ADTRP: variants seen among roughly 807,000 people sequenced by gnomAD.
The protein encoded by ADTRP is androgen-dependent TFPI-regulating protein.
A neutral mutation model predicts 27.0 loss-of-function variants in ADTRP; 20 were observed. The observed-to-expected ratio is 0.74, with a 90% confidence interval of 0.52 to 1.08. ADTRP has a LOEUF of 1.08. Ranked by LOEUF, ADTRP falls within the 50% of genes least tolerant of loss-of-function variation. The probability of loss-of-function intolerance (pLI) is 0.00; values close to 1 mark genes in which losing one functional copy is unlikely to be tolerated. For synonymous variants in ADTRP, 101 were observed against 105.2 expected, an observed-to-expected ratio of 0.96 and a Z score of 0.25; for missense variants, 251 against 275.0, an observed-to-expected ratio of 0.91 and a Z score of 0.62.
At chr6:11,721,993 T>C (rs1007253765) in intron 5 of ADTRP, among the ~76,000 whole-genome samples, 6 of 152,236 alleles carry the variant, frequency 3.9e-5, no homozygotes, top group African/African-American at 1.4e-4. Context: ...AGTTTTTCTC[T>C]GTACTTCCTA....
At chr6:11,723,975 G>A (rs1379864341) in intron 4 of ADTRP, among the ~76,000 whole-genome samples, 5 of 152,110 alleles carry the variant, frequency 3.3e-5, no homozygotes, top group Middle Eastern at 3.2e-3. Context: ...AAGAAGAATC[G>A]CTTGAACCTG....
rs914876341 is a variant in ADTRP, at chr6:11,714,109, T to C, written c.*369A>G. The C allele has an allele frequency of 1.5e-5, 3 of 204,620 alleles. No individual in the cohort carries two copies. The highest frequency in any genetic ancestry group is 7.1e-5 in the African/African-American group (3 of 42,004). 12.7% of individuals were successfully genotyped at this position (204,620 alleles called of 1,614,324 possible). A position where few individuals can be genotyped will look rare whatever the true frequency, so the allele number is the denominator to read the frequency against. On this transcript the variant is annotated 3_prime_UTR_variant, in exon 6 of 6. Transcript: ENST00000414691. ...CTTCTCATCTAGGTCCTCAGCATCC[T>C]TCTCTGTAAACTGAAGAGTTTAAAT... is the stretch of plus-strand genomic sequence containing the variant.
At chr6:11,723,753 G>C (rs1266428769) in intron 4 of ADTRP, among the ~76,000 whole-genome samples, 2 of 152,024 alleles carry the variant, frequency 1.3e-5, no homozygotes, top group Non-Finnish European at 2.9e-5. Flanking sequence ...TTCAACATTG[G>C]TGAAAAAATA....
chr6:11,715,648 C>CAT (rs1209016026), intron 5 of ADTRP, among the ~76,000 whole-genome samples: 1 of 121,142 alleles, frequency 8.3e-6, no homozygotes, highest in African/African-American at 3.5e-5. Context: ...CTGTTTTTCC[C>CAT]TTTTTTTTTT....
At chr6:11,724,237 T>C (rs1183679661) in intron 4 of ADTRP, among the ~76,000 whole-genome samples, 6 of 132,224 alleles carry the variant, frequency 4.5e-5, no homozygotes, top group South Asian at 2.3e-4. Context: ...TGGGGTTTGC[T>C]TTTTTGGATC....
intron 3 of ADTRP, among the ~76,000 whole-genome samples, chr6:11,747,342 T>C (rs1762898149): frequency 6.6e-6 from 1 of 152,210 alleles, no homozygotes; most frequent in South Asian, 2.1e-4. Context: ...CCCTCTGAAA[T>C]GATTGTGCAC....
chr6:11,758,848 A>G (rs1055408000), intron 3 of ADTRP, among the ~76,000 whole-genome samples: 1 of 152,156 alleles, frequency 6.6e-6, no homozygotes, highest in Non-Finnish European at 1.5e-5. Context: ...TTCTGGCTGC[A>G]AAAAGGAACA....
intron 1 of ADTRP, among the ~76,000 whole-genome samples, chr6:11,774,056 C>T (rs1337120548): frequency 2.0e-5 from 3 of 152,158 alleles, no homozygotes; most frequent in Non-Finnish European, 4.4e-5. Context: ...CGCCTGTAAT[C>T]CCAGCACTTT....
At chr6:11,748,432 A>T (rs1329268642) in intron 3 of ADTRP, among the ~76,000 whole-genome samples, 2 of 152,238 alleles carry the variant, frequency 1.3e-5, no homozygotes, top group East Asian at 3.8e-4. Context: ...GTCTTCATTC[A>T]TTCTCTCATG....
At chr6:11,745,754 A>C (rs1481835139) in intron 3 of ADTRP, among the ~76,000 whole-genome samples, 1 of 152,136 alleles carries the variant, frequency 6.6e-6, no homozygotes, top group African/African-American at 2.4e-5. Flanking sequence ...ATATAACTAC[A>C]TGTGAGAGGT....
intron 5 of ADTRP, chr6:11,717,454 C>A (rs1285035249): frequency 7.7e-7 from 1 of 1,301,372 alleles, no homozygotes; most frequent in Admixed American, 2.3e-5. Context: ...CAATCAACAT[C>A]ACCATAGATA....
rs976129260 is a variant in ADTRP at position 11,717,402 on chromosome 6, A to T, written c.659-2890T>A. ...AGATTCTAGCCTCCATCTTTGCAAG[A>T]TCTGAACAGAAACTGCAGGCATGGC... On this transcript the variant is annotated intron_variant, in intron 5 of 5. Coordinates refer to ENST00000414691, the MANE Select transcript of ADTRP (RefSeq NM_032744.4). 8 of 1,304,170 alleles carry T rather than the reference A, an allele frequency of 6.1e-6. No homozygotes were observed. The Admixed American group carries it at 1.1e-4, about 19-fold the overall frequency. 80.8% of individuals were successfully genotyped at this position (1,304,170 alleles called of 1,614,324 possible). A position where few individuals can be genotyped will look rare whatever the true frequency, so the allele number is the denominator to read the frequency against.
chr6:11,727,363 G>GC (rs75438073), intron 4 of ADTRP, among the ~76,000 whole-genome samples: 21,031 of 152,060 alleles, frequency 0.14, 3,018 homozygotes, highest in African/African-American at 0.35. Flanking sequence ...ATTACAGGAT[G>GC]CCCACAGTGA....
intron 3 of ADTRP, among the ~76,000 whole-genome samples, chr6:11,746,149 A>T (rs750507255): frequency 1.3e-5 from 2 of 152,192 alleles, no homozygotes; most frequent in Non-Finnish European, 2.9e-5. Flanking sequence ...GCAGAAGGCC[A>T]TCTATAGGCT....
chr6:11,749,441 A>C (rs1035970571), intron 3 of ADTRP, among the ~76,000 whole-genome samples: 2 of 152,116 alleles, frequency 1.3e-5, no homozygotes, highest in Non-Finnish European at 2.9e-5. Flanking sequence ...CTCAAGGGAG[A>C]TCTGAGCTAG....
intron 5 of ADTRP, among the ~76,000 whole-genome samples, chr6:11,722,434 G>T (rs949052664): frequency 6.6e-6 from 1 of 152,124 alleles, no homozygotes; most frequent in Non-Finnish European, 1.5e-5. Flanking sequence ...GGCGGAAGAT[G>T]GCACTTCTGC....
intron 4 of ADTRP, among the ~76,000 whole-genome samples, chr6:11,727,262 C>T (rs867059153): frequency 4.6e-5 from 7 of 152,152 alleles, no homozygotes; most frequent in Non-Finnish European, 8.8e-5. Context: ...CCTTGTGATC[C>T]GCCCACCTCA....
At chr6:11,764,894 T>TAAA (rs34204085) in intron 3 of ADTRP, among the ~76,000 whole-genome samples, 6 of 122,336 alleles carry the variant, frequency 4.9e-5, no homozygotes, top group African/African-American at 1.9e-4. Context: ...TACCATTTCT[T>TAAA]AAAAAAAAAA....
rs778802899 is a variant in ADTRP at position 11,766,306 on chromosome 6, T to C, written c.358A>G (p.Thr120Ala). 2 of 1,612,434 alleles carry C rather than the reference T, an allele frequency of 1.2e-6. No homozygotes were observed. Among genetic ancestry groups the C allele is most frequent in the South Asian group, 2.2e-5 (2 of 90,672 alleles). ...TGATTCAGCCACACGGGGATGACAG[T>C]ATCTAGGACCTTGGGGTAAATGAGA... is the stretch of plus-strand genomic sequence containing the variant. The part of the protein sequence containing the change: ...RDLIYPKVLD[T>A]VIPVWLNHAM... Residue 120 changes from threonine to alanine, a missense_variant, in exon 3 of 6, where the codon ACT becomes GCT. Coordinates refer to ENST00000414691, the MANE Select transcript of ADTRP (RefSeq NM_032744.4).
Sources: gnomAD v4.1 joint callset for allele counts (sites outside exome capture counted in the v4.1 genomes callset) on GRCh38, gnomAD v4.1.1 for gene constraint, MANE v1.5 for transcripts, NCBI Gene and HGNC (gene_info 2026-07-23, HGNC 2026-07-21) for gene names.